CAPZA2: variants seen among roughly 807,000 people sequenced by gnomAD.
CAPZA2 encodes the protein capping actin protein of muscle Z-line subunit alpha 2.
A neutral mutation model predicts 44.0 loss-of-function variants in CAPZA2; 13 were observed. The ratio of observed to expected loss-of-function variants is 0.30; its 90% confidence interval spans 0.19 to 0.47. The LOEUF (loss-of-function observed/expected upper bound fraction) is 0.47. CAPZA2 is among the 20% of genes least tolerant of loss of function. The pLI is 1.00. For missense variants in CAPZA2, 244 were observed against 338.6 expected (o/e 0.72, Z 2.19); for synonymous variants, 94 against 108.2 (o/e 0.87, Z 0.81).
intron 1 of CAPZA2, among the ~76,000 whole-genome samples, chr7:116,863,918 G>A (rs1796450174): frequency 6.6e-6 from 1 of 152,036 alleles, no homozygotes; most frequent in Non-Finnish European, 1.5e-5. Context: ...CAATGTGAAT[G>A]GTCAGAAGTC....
chr7:116,916,407 G>A (rs1301056425), intron 9 of CAPZA2, among the ~76,000 whole-genome samples: 1 of 152,216 alleles, frequency 6.6e-6, no homozygotes, highest in East Asian at 1.9e-4. Flanking sequence ...GGTGGATCAC[G>A]AGGTCAAGAG....
intron 3 of CAPZA2, among the ~76,000 whole-genome samples, chr7:116,894,007 A>G (rs2115935431): frequency 6.6e-6 from 1 of 151,360 alleles, no homozygotes. Flanking sequence ...CTTTCTTACA[A>G]AGAAAGTTTA....
chr7:116,885,446 G>A (rs1796750930), intron 1 of CAPZA2, among the ~76,000 whole-genome samples: 1 of 151,962 alleles, frequency 6.6e-6, no homozygotes, highest in African/African-American at 2.4e-5. Context: ...CAGTTCTACA[G>A]CGGACACCAG....
At chr7:116,900,070 A>G (rs1796977365) in intron 4 of CAPZA2, among the ~76,000 whole-genome samples, 1 of 151,740 alleles carries the variant, frequency 6.6e-6, no homozygotes, top group Non-Finnish European at 1.5e-5. Flanking sequence ...GTATCAATAG[A>G]CAGTAAAAAG....
intron 1 of CAPZA2, among the ~76,000 whole-genome samples, chr7:116,885,327 G>GTTT (rs74806629): frequency 7.0e-6 from 1 of 143,414 alleles, no homozygotes; most frequent in Non-Finnish European, 1.5e-5. Flanking sequence ...AAACACCTAT[G>GTTT]TTTTTTTTTT....
At chr7:116,876,281 A>C (rs978010537) in intron 1 of CAPZA2, 5 of 151,728 alleles carry the variant, frequency 3.3e-5, no homozygotes, top group African/African-American at 1.2e-4. Flanking sequence ...TAGAGCACTC[A>C]AGAGGTTTGA....
Position 116,893,118 on chromosome 7 carries a change from G to A in CAPZA2, c.155+73G>A, listed in dbSNP as rs182057124. The A allele has an allele frequency of 7.4e-4, 743 of 998,674 alleles. 5 individuals are homozygous for A. In the African/African-American group the frequency reaches 0.011, roughly 15 times the overall value. The allele number at this position is 998,674 out of a possible 1,614,324, so 61.9% of individuals were successfully genotyped here. On this transcript the variant is annotated intron_variant, in intron 3 of 9. Transcript: ENST00000361183. The stretch of plus-strand genomic sequence containing the variant: ...CGAGAGATGCTTTAAAAGTGTGTGG[G>A]GGTTTTTTGTGGGTTTTTTTGTTTT...
chr7:116,905,714 G>A (rs965229691), intron 5 of CAPZA2, among the ~76,000 whole-genome samples: 2 of 152,174 alleles, frequency 1.3e-5, no homozygotes, highest in African/African-American at 4.8e-5. Context: ...TTATTCTAGA[G>A]GATTGAAAGG....
chr7:116,895,795 CTGAT>C (rs888069456), intron 3 of CAPZA2, among the ~76,000 whole-genome samples: 3 of 152,142 alleles, frequency 2.0e-5, no homozygotes, highest in African/African-American at 7.2e-5. Context: ...CTGTAAGTCA[CTGAT>C]TGACTTGACT....
At position 116,878,600 on chromosome 7, in the gene CAPZA2, C is replaced by T. The variant is rs140617789; in HGVS notation, c.40-9527C>T. 9.3e-4 allele frequency among the ~76,000 whole-genome samples: 141 copies of T among 152,238 alleles called. 1 individual carries two copies. The highest frequency in any genetic ancestry group is 3.4e-3 in the Middle Eastern group (1 of 294). ...TATGTAAAGCCCCACATCTTAACTG[C>T]GCATTGCCACCATCTTTCTCTCCTG... On this transcript the variant is annotated intron_variant, in intron 1 of 9. Transcript: ENST00000361183.
Position 116,890,579 on chromosome 7 carries a change from T to A in CAPZA2, c.103+2389T>A, listed in dbSNP as rs1307944861. Among the ~76,000 whole-genome samples the A allele has an allele frequency of 1.1e-3, 30 of 26,468 alleles. 3 individuals carry two copies. The highest frequency in any genetic ancestry group is 6.5e-3 in the African/African-American group (23 of 3,514). The allele number at this position is 26,468 out of a possible 152,430, so 17.4% of individuals were successfully genotyped here. On this transcript the variant is annotated intron_variant, in intron 2 of 9. Transcript: ENST00000361183. ...ATATATATATATATACACATATATA[T>A]ATATATATATATATATATACACACA...
intron 4 of CAPZA2, among the ~76,000 whole-genome samples, chr7:116,899,543 C>T (rs551123789): frequency 6.6e-6 from 1 of 151,260 alleles, no homozygotes; most frequent in Non-Finnish European, 1.5e-5. Context: ...TAGAAGGTGA[C>T]TTGTAACTGA....
intron 2 of CAPZA2, among the ~76,000 whole-genome samples, chr7:116,891,533 A>T (rs1796846064): frequency 1.3e-5 from 2 of 152,328 alleles, no homozygotes; most frequent in South Asian, 4.1e-4. Flanking sequence ...TTGTTTTGAG[A>T]TGGAGTCTCG....
chr7:116,909,380 A>G lies in CAPZA2; in HGVS notation c.507-853A>G, dbSNP rs75499821. ...GTTTGTCAGAAAAATAGAATATCAGACGCTAAACTACTCATCCAGAATTTT... is the reference window on the plus strand; with the variant it reads ...GTTTGTCAGAAAAATAGAATATCAGGCGCTAAACTACTCATCCAGAATTTT... On this transcript the variant is annotated intron_variant, in intron 6 of 9. Coordinates refer to ENST00000361183, the MANE Select transcript of CAPZA2 (RefSeq NM_006136.3). Among the ~76,000 whole-genome samples, 70 of 152,314 alleles carry G rather than the reference A, an allele frequency of 4.6e-4. No individual in the cohort carries two copies. In the East Asian group the frequency reaches 0.013, roughly 28 times the overall value.
At chr7:116,892,937 C>A in intron 2 of CAPZA2, 57 bp from the exon 3 acceptor site, 1 of 1,259,554 alleles carries the variant, frequency 7.9e-7, no homozygotes, top group Non-Finnish European at 1.1e-6. Flanking sequence ...AATCTGCGTT[C>A]ATTACATTCT....
At chr7:116,897,460 A>G (rs1312421322) in intron 3 of CAPZA2, among the ~76,000 whole-genome samples, 1 of 152,126 alleles carries the variant, frequency 6.6e-6, no homozygotes, top group East Asian at 1.9e-4. Context: ...TACATTTACT[A>G]GTCTCCTATT....
At position 116,916,258 on chromosome 7, in the gene CAPZA2, A is replaced by G. The variant is rs908864998; in HGVS notation, c.720+136A>G. ...TTGTTGTGTGTCTGCTTTTAACACA[A>G]AGGCAGACTTACTAATGTGTAGGCA... On this transcript the variant is annotated intron_variant, in intron 9 of 9. Transcript: ENST00000361183. 6 of 835,718 alleles carry G rather than the reference A, an allele frequency of 7.2e-6. No homozygotes were observed. The African/African-American group carries it at 9.0e-5, about 13-fold the overall frequency. 51.8% of individuals were successfully genotyped at this position (835,718 alleles called of 1,614,324 possible).
intron 7 of CAPZA2, among the ~76,000 whole-genome samples, chr7:116,910,990 CAA>C (rs57772383): frequency 5.9e-5 from 3 of 50,602 alleles, no homozygotes; most frequent in Non-Finnish European, 1.2e-4. Flanking sequence ...GACTCCGTCT[CAA>C]AAAAAAAAAA....
chr7:116,891,611 A>ACGCCATTCTCCTGCCTCAGCCTCC (rs1796847524), intron 2 of CAPZA2, among the ~76,000 whole-genome samples: 1 of 152,120 alleles, frequency 6.6e-6, no homozygotes, highest in South Asian at 2.1e-4. Context: ...TCCCGGGTTC[A>ACGCCATTCTCCTGCCTCAGCCTCC]CGCCATTCTC....
Sources: allele counts gnomAD v4.1 joint callset (sites outside exome capture counted in the v4.1 genomes callset), GRCh38; gene constraint gnomAD v4.1.1; transcripts MANE v1.5; gene names NCBI Gene and HGNC (gene_info 2026-07-23, HGNC 2026-07-21).